PXYLP1: variants seen among roughly 807,000 people sequenced by gnomAD.
The protein encoded by PXYLP1 is 2-phosphoxylose phosphatase 1.
In PXYLP1, 17 loss-of-function variants were observed where a neutral mutation model predicts 37.9. The observed-to-expected ratio is 0.45, with a 90% CI of 0.31 to 0.67. PXYLP1 has a LOEUF of 0.67. Among genes scored for constraint, PXYLP1 ranks in the 30% least tolerant of loss-of-function variants. The pLI, the probability that PXYLP1 is intolerant of heterozygous loss-of-function variation, is 0.07. For synonymous variants in PXYLP1, 221 were observed against 232.2 expected (o/e 0.95, Z 0.44); for missense variants, 511 against 612.0 (o/e 0.84, Z 1.74).
In PXYLP1 at chr3:141,239,329, A is replaced by G. The variant is rs373582682; in HGVS notation, c.-54+7418A>G. ...CTGAAAAATCAAAGCTTGGGCATTT[A>G]TGGTCGAAGGTCATGGCATGGATGG... On this transcript the variant is annotated intron_variant, in intron 1 of 5. Coordinates refer to ENST00000286353, the MANE Select transcript of PXYLP1 (RefSeq NM_001037172.3). Among the ~76,000 whole-genome samples, 175 of 152,260 alleles carry G rather than the reference A, an allele frequency of 1.1e-3. 2 individuals are homozygous for G. Among genetic ancestry groups the G allele is most frequent in the African/African-American group, 4.1e-3 (169 of 41,548 alleles).
At chr3:141,277,353 G>A (rs778639377) in intron 2 of PXYLP1, among the ~76,000 whole-genome samples, 42 of 152,140 alleles carry the variant, frequency 2.8e-4, no homozygotes, top group Non-Finnish European at 5.9e-4. Context: ...TCCCTCAAAG[G>A]GCGGATGCTG....
chr3:141,235,575 T>G (rs988400604), intron 1 of PXYLP1: 2 of 152,332 alleles, frequency 1.3e-5, no homozygotes, highest in African/African-American at 4.8e-5. Context: ...AAAGGAGCAG[T>G]GGCTTGGAAG....
chr3:141,260,713 C>T (rs892337518), intron 2 of PXYLP1, among the ~76,000 whole-genome samples: 1 of 152,198 alleles, frequency 6.6e-6, no homozygotes, highest in Non-Finnish European at 1.5e-5. Context: ...ATGGGAAATC[C>T]CCTGTGACGA....
chr3:141,247,486 A>G (rs905201339), intron 1 of PXYLP1, among the ~76,000 whole-genome samples: 20 of 152,380 alleles, frequency 1.3e-4, no homozygotes, highest in African/African-American at 4.8e-4. Context: ...TCTGGCTTAA[A>G]GAGAGGAAGC....
At chr3:141,273,719 A>T in intron 2 of PXYLP1, 3 of 985,454 alleles carry the variant, frequency 3.0e-6, no homozygotes, top group Non-Finnish European at 3.6e-6. Context: ...AAGTGATCGT[A>T]GATGAGATGA....
intron 1 of PXYLP1, among the ~76,000 whole-genome samples, chr3:141,232,711 A>G (rs1940555914): frequency 6.6e-6 from 1 of 152,252 alleles, no homozygotes; most frequent in Admixed American, 6.5e-5. Context: ...TGCTTAGGGT[A>G]GGTTGCCTGC....
chr3:141,285,013 G>A (rs558401761), intron 4 of PXYLP1, among the ~76,000 whole-genome samples: 1 of 152,288 alleles, frequency 6.6e-6, no homozygotes, highest in South Asian at 2.1e-4. Flanking sequence ...GGGCTCCAGG[G>A]ATGGAGCAGT....
In PXYLP1 at chr3:141,251,048, G is replaced by A. The variant is rs75294700; in HGVS notation, c.-53-9075G>A. Among the ~76,000 whole-genome samples, 1,004 of 152,366 alleles carry A rather than the reference G, an allele frequency of 6.6e-3. 12 individuals carry two copies. The highest frequency in any genetic ancestry group is 0.022 in the African/African-American group (926 of 41,586). ...TGCCTAATGCAGCTCATGAACGCCT[G>A]TGCACTTACTCATTACACCTCCAGA... On this transcript the variant is annotated intron_variant, in intron 1 of 5. Transcript: ENST00000286353.
At chr3:141,274,111 G>A (rs1261923509) in intron 2 of PXYLP1, 5 of 995,268 alleles carry the variant, frequency 5.0e-6, no homozygotes, top group Non-Finnish European at 6.0e-6. Flanking sequence ...GGGGGCCTGG[G>A]CAAAGCCTGC....
At chr3:141,256,545 C>T (rs752006056) in intron 1 of PXYLP1, among the ~76,000 whole-genome samples, 5 of 152,072 alleles carry the variant, frequency 3.3e-5, no homozygotes, top group Non-Finnish European at 5.9e-5. Flanking sequence ...CACGTATGCG[C>T]GTGTGCGCAC....
At position 141,254,711 on chromosome 3, in the gene PXYLP1, GT is replaced by G. The variant is rs577412917; in HGVS notation, c.-53-5401del. Among the ~76,000 whole-genome samples the G allele has an allele frequency of 3.0e-3, 439 of 146,674 alleles. 2 individuals carry two copies. Among genetic ancestry groups the G allele is most frequent in the African/African-American group, 8.0e-3 (324 of 40,252 alleles). The stretch of plus-strand genomic sequence containing the variant: ...TTGTTCACAATTGCAGACTTGAAGG[GT>G]TTTTTTTTTTAATTGTAATGCTGTA... On this transcript the variant is annotated intron_variant, in intron 1 of 5. Transcript: ENST00000286353.
At chr3:141,239,323 G>C (rs189454781) in intron 1 of PXYLP1, among the ~76,000 whole-genome samples, 26 of 152,304 alleles carry the variant, frequency 1.7e-4, no homozygotes, top group African/African-American at 6.3e-4. Context: ...CAAAGCTTGG[G>C]CATTTATGGT....
At chr3:141,290,549 G>T (rs1942178598) in intron 5 of PXYLP1, among the ~76,000 whole-genome samples, 1 of 152,214 alleles carries the variant, frequency 6.6e-6, no homozygotes, top group African/African-American at 2.4e-5. Flanking sequence ...TAGTGTTGGA[G>T]CTTGGAGCCA....
At chr3:141,288,457 GT>G (rs1412258971) in intron 5 of PXYLP1, among the ~76,000 whole-genome samples, 2 of 152,232 alleles carry the variant, frequency 1.3e-5, no homozygotes, top group East Asian at 3.8e-4. Context: ...TGGATAAGGA[GT>G]TGTGTCAAAA....
rs1443523230 is a variant in PXYLP1 at position 141,294,715 on chromosome 3, C to T, written c.*1510C>T. ...GAGAGCCAGTATTTTATTTTTCCCC[C>T]TTCATTCAAATGTCATGCAGAGAAC... On this transcript the variant is annotated 3_prime_UTR_variant, in exon 6 of 6. Coordinates refer to ENST00000286353, the MANE Select transcript of PXYLP1 (RefSeq NM_001037172.3). 6.6e-6 allele frequency: 1 copy of T among 152,160 alleles called. No homozygotes were observed. Among genetic ancestry groups the T allele is most frequent in the Non-Finnish European group, 1.5e-5 (1 of 68,032 alleles). The allele number at this position is 152,160 out of a possible 1,614,324, so 9.4% of individuals were successfully genotyped here. A position where few individuals can be genotyped will look rare whatever the true frequency, so the allele number is the denominator to read the frequency against.
intron 5 of PXYLP1, among the ~76,000 whole-genome samples, chr3:141,288,921 A>G (rs1942137861): frequency 6.6e-6 from 1 of 152,226 alleles, no homozygotes; most frequent in African/African-American, 2.4e-5. Context: ...GAATGAATGT[A>G]ATCTTTCTAT....
chr3:141,261,035 C>T (rs13084252), intron 2 of PXYLP1, among the ~76,000 whole-genome samples: 107,730 of 151,572 alleles, frequency 0.71, 38,287 homozygotes, highest in African/African-American at 0.73. Context: ...AGCCCTTGCC[C>T]CTTCTCCTCT....
chr3:141,270,028 G>A (rs1323580249), intron 2 of PXYLP1, among the ~76,000 whole-genome samples: 4 of 152,244 alleles, frequency 2.6e-5, no homozygotes, highest in Non-Finnish European at 5.9e-5. Context: ...CAAGGAGGGA[G>A]GAGATAGAGC....
intron 4 of PXYLP1, 144 bp downstream of exon 4, chr3:141,279,648 A>G: frequency 2.9e-6 from 3 of 1,038,624 alleles, no homozygotes; most frequent in East Asian, 2.6e-5. Context: ...GCCATTATAC[A>G]GTTGAAAAGA....
Sources: allele counts gnomAD v4.1 joint callset (sites outside exome capture counted in the v4.1 genomes callset), GRCh38; gene constraint gnomAD v4.1.1; transcripts MANE v1.5; gene names NCBI Gene and HGNC (gene_info 2026-07-23, HGNC 2026-07-21).